FHL1: variants seen among roughly 807,000 people sequenced by gnomAD.
The protein encoded by FHL1 is four and a half LIM domains 1, also known as four and a half LIM domains protein 1.
In FHL1, 1 loss-of-function variant was observed where a neutral mutation model predicts 20.3. The ratio of observed to expected loss-of-function variants is 0.05; its 90% confidence interval spans 0.02 to 0.23. FHL1 has a LOEUF of 0.23. Among genes scored for constraint, FHL1 ranks in the 10% least tolerant of loss-of-function variants. The pLI, the probability that FHL1 is intolerant of heterozygous loss-of-function variation, is 1.00. For missense variants in FHL1, 177 were observed against 234.0 expected, an observed-to-expected ratio of 0.76 and a Z score of 1.59; for synonymous variants, 82 against 88.9, an observed-to-expected ratio of 0.92 and a Z score of 0.44.
At chrX:136,168,792 C>T (rs2072780505), upstream of FHL1, among the ~76,000 whole-genome samples, 1 of 111,839 alleles carries the variant, frequency 8.9e-6, no homozygotes, top group African/African-American at 3.3e-5. Context: ...GTTTATTTAC[C>T]AGCACATTAA....
upstream of FHL1, among the ~76,000 whole-genome samples, chrX:136,192,220 A>T (rs2073445100): frequency 9.0e-6 from 1 of 111,321 alleles, no homozygotes; most frequent in Admixed American, 9.5e-5. Flanking sequence ...ATATCATCCT[A>T]GGCATGCTCT....
chrX:136,173,939 C>T (rs931552710), intron 2 of FHL1, among the ~76,000 whole-genome samples: 2 of 111,338 alleles, frequency 1.8e-5, no homozygotes, highest in African/African-American at 6.5e-5. Flanking sequence ...ACCTTGTGAT[C>T]CGCCCACTTC....
intron 2 of FHL1, among the ~76,000 whole-genome samples, chrX:136,179,627 C>T (rs2073103126): frequency 1.8e-5 from 2 of 112,110 alleles, no homozygotes; most frequent in Non-Finnish European, 3.8e-5. Context: ...ACTTAGTAGG[C>T]ATTTGCTAGA....
At chrX:136,200,688 A>G (rs767845190) in intron 1 of FHL1, among the ~76,000 whole-genome samples, 4 of 112,029 alleles carry the variant, frequency 3.6e-5, no homozygotes, top group Admixed American at 9.5e-5. Context: ...ACTTTCTGTC[A>G]TAGAGAAACC....
At chrX:136,181,361 A>T (rs2073154772) in intron 2 of FHL1, among the ~76,000 whole-genome samples, 1 of 111,771 alleles carries the variant, frequency 8.9e-6, no homozygotes. Flanking sequence ...AAGGAGAGAG[A>T]TGGTTAGGAT....
At chrX:136,189,935 T>G (rs1006428905) in intron 2 of FHL1, among the ~76,000 whole-genome samples, 14 of 112,309 alleles carry the variant, frequency 1.2e-4, no homozygotes, top group African/African-American at 4.5e-4. Flanking sequence ...AGCCTTAAAT[T>G]TCTTTCATGG....
Position 136,204,320 on chromosome X carries a change from C to G in FHL1, c.23-2087C>G, listed in dbSNP as rs763532460. 3.6e-5 allele frequency among the ~76,000 whole-genome samples: 4 copies of G among 112,429 alleles called. No homozygotes were observed. The East Asian group carries it at 1.1e-3, about 31-fold the overall frequency. On this transcript the variant is annotated intron_variant, in intron 1 of 5. Transcript: ENST00000370683. The stretch of plus-strand genomic sequence containing the variant: ...GCTAAGACGAGGCTTCTGTGTGACA[C>G]TGGAAAGACCAACAAGAATGGATTA...
At position 136,205,735 on chromosome X, in the gene FHL1, G is replaced by C. The variant is rs1002012116; in HGVS notation, c.23-672G>C. On this transcript the variant is annotated intron_variant, in intron 1 of 5. Transcript: ENST00000370683. Reference sequence around the variant, plus strand: ...TACCTGGTGTGGTACAGAATGAGCTGTCAGTTTCTATTCTGATGAATAGAA... The same window carrying C: ...TACCTGGTGTGGTACAGAATGAGCTCTCAGTTTCTATTCTGATGAATAGAA... 7.1e-5 allele frequency among the ~76,000 whole-genome samples: 8 copies of C among 111,900 alleles called. No individual in the cohort carries two copies. In the Admixed American group the frequency reaches 7.5e-4, roughly 11 times the overall value.
At chrX:136,169,478 T>C, upstream of FHL1, 1 of 220,364 alleles carries the variant, frequency 4.5e-6, no homozygotes, top group Non-Finnish European at 8.2e-6. Flanking sequence ...ATCAGAGCCC[T>C]CCTGTGGCAA....
intron 3 of FHL1, 92 bp downstream of exon 3, chrX:136,207,282 C>CTAAGA: frequency 1.1e-6 from 1 of 912,687 alleles, no homozygotes; most frequent in Non-Finnish European, 1.5e-6. Flanking sequence ...GCTAACGTTG[C>CTAAGA]TCTGAGCTGC....
chrX:136,208,959 A>AGGGGG (rs1488927020), intron 5 of FHL1, among the ~76,000 whole-genome samples: 3 of 3,621 alleles, frequency 8.3e-4, no homozygotes, highest in Admixed American at 3.6e-3. Context: ...GGTAGAAAGA[A>AGGGGG]GGGGGTGGGG....
At chrX:136,187,515 C>T (rs1459463163) in intron 2 of FHL1, among the ~76,000 whole-genome samples, 4 of 111,551 alleles carry the variant, frequency 3.6e-5, no homozygotes, top group African/African-American at 9.8e-5. Flanking sequence ...GAATGAACCT[C>T]GAAAACATTA....
At chrX:136,153,206 G>A (rs930082361) in intron 1 of FHL1, among the ~76,000 whole-genome samples, 3 of 106,950 alleles carry the variant, frequency 2.8e-5, no homozygotes, top group Non-Finnish European at 3.9e-5. Context: ...GTTTTGTTTC[G>A]GAGCACAAAA....
intron 1 of FHL1, among the ~76,000 whole-genome samples, chrX:136,199,761 C>T (rs1401887106): frequency 8.9e-6 from 1 of 112,024 alleles, no homozygotes; most frequent in African/African-American, 3.2e-5. Context: ...GTACATTACA[C>T]CCTTCATGGA....
At chrX:136,175,715 CTT>C (rs2072985695) in intron 2 of FHL1, among the ~76,000 whole-genome samples, 2 of 112,055 alleles carry the variant, frequency 1.8e-5, no homozygotes, top group African/African-American at 6.5e-5. Context: ...ATAATACAGT[CTT>C]ACTAAAAAAT....
chrX:136,163,093 G>T (rs192416373), intron 1 of FHL1, among the ~76,000 whole-genome samples: 1 of 112,156 alleles, frequency 8.9e-6, no homozygotes, highest in Non-Finnish European at 1.9e-5. Flanking sequence ...CACCAGGGAG[G>T]AGCTCTCCCG....
chrX:136,176,291 AC>A (rs1278244096), intron 2 of FHL1, among the ~76,000 whole-genome samples: 7 of 112,594 alleles, frequency 6.2e-5, no homozygotes, highest in African/African-American at 2.3e-4. Flanking sequence ...TAGATAAGCA[AC>A]AAAAATTGGC....
intron 1 of FHL1, among the ~76,000 whole-genome samples, chrX:136,161,614 T>C (rs917852865): frequency 2.7e-5 from 3 of 112,206 alleles, no homozygotes; most frequent in African/African-American, 6.5e-5. Context: ...CGTGCTGATA[T>C]GAAGGATTTG....
chrX:136,190,603 A>C (rs932973259), intron 2 of FHL1, among the ~76,000 whole-genome samples: 20 of 111,425 alleles, frequency 1.8e-4, no homozygotes, highest in Non-Finnish European at 3.6e-4. Flanking sequence ...GAGAATCTGC[A>C]AAATGTGTCA....
Sources: gnomAD v4.1 joint callset for allele counts (sites outside exome capture counted in the v4.1 genomes callset) on GRCh38, gnomAD v4.1.1 for gene constraint, MANE v1.5 for transcripts, NCBI Gene and HGNC (gene_info 2026-07-23, HGNC 2026-07-21) for gene names.